The following CALCRL variants were observed in gnomAD, a reference collection of about 807,000 sequenced individuals.
CALCRL encodes the protein calcitonin gene-related peptide type 1 receptor.
Under a neutral mutation model 60.4 loss-of-function variants are expected in CALCRL, and 27 were observed. The observed-to-expected ratio is 0.45, with a 90% confidence interval of 0.33 to 0.62. The LOEUF (loss-of-function observed/expected upper bound fraction) is 0.62, where lower values mean the gene tolerates loss of function less well. Ranked by LOEUF, CALCRL falls within the 20% of genes least tolerant of loss-of-function variation. CALCRL has a pLI of 0.03. For synonymous variants in CALCRL, 190 were observed against 182.6 expected, an observed-to-expected ratio of 1.04 and a Z score of -0.33; for missense variants, 424 against 540.7, an observed-to-expected ratio of 0.78 and a Z score of 2.14.
At chr2:187,368,713 T>C (rs960415645) in intron 8 of CALCRL, among the ~76,000 whole-genome samples, 3 of 152,114 alleles carry the variant, frequency 2.0e-5, no homozygotes, top group East Asian at 1.9e-4. Flanking sequence ...GTACAAGCAA[T>C]ATAAGAATAG....
At chr2:187,363,353 G>A (rs1687142050) in intron 9 of CALCRL, 23 bp downstream of exon 9, 1 of 1,598,668 alleles carries the variant, frequency 6.3e-7, no homozygotes, top group Non-Finnish European at 8.5e-7. Context: ...CTTGAACCAA[G>A]GGCACAATCT....
intron 4 of CALCRL, among the ~76,000 whole-genome samples, chr2:187,383,820 G>C (rs536532209): frequency 4.1e-4 from 63 of 152,132 alleles, no homozygotes; most frequent in African/African-American, 1.4e-3. Context: ...TCAAAATAAT[G>C]GCAACATCAT....
chr2:187,393,025 T>G (rs1688513745), intron 1 of CALCRL, among the ~76,000 whole-genome samples: 1 of 152,170 alleles, frequency 6.6e-6, no homozygotes, highest in African/African-American at 2.4e-5. Flanking sequence ...GATATAAGAT[T>G]ATAACTCAAG....
At chr2:187,442,095 T>TACATACACACAC (rs1690937981) in intron 1 of CALCRL, 1 of 103,620 alleles carries the variant, frequency 9.7e-6, no homozygotes, top group Non-Finnish European at 2.0e-5. Flanking sequence ...TATATATATA[T>TACATACACACAC]ATATATATAT....
chr2:187,364,568 T>C (rs1199215171), intron 8 of CALCRL, among the ~76,000 whole-genome samples: 1 of 152,130 alleles, frequency 6.6e-6, no homozygotes, highest in Non-Finnish European at 1.5e-5. Context: ...TAAGGAGATC[T>C]TTACCTAATT....
chr2:187,365,605 G>A (rs943501745), intron 8 of CALCRL, among the ~76,000 whole-genome samples: 18 of 152,052 alleles, frequency 1.2e-4, no homozygotes, highest in African/African-American at 4.1e-4. Flanking sequence ...AAACTATGAC[G>A]AAAAGATTGA....
chr2:187,436,092 T>C (rs962548858), intron 1 of CALCRL, among the ~76,000 whole-genome samples: 4 of 152,192 alleles, frequency 2.6e-5, no homozygotes, highest in African/African-American at 9.6e-5. Flanking sequence ...GTTCAATATA[T>C]ATTTATAGTT....
At chr2:187,386,564 T>G (rs1688212231) in intron 3 of CALCRL, among the ~76,000 whole-genome samples, 2 of 152,150 alleles carry the variant, frequency 1.3e-5, no homozygotes, top group Admixed American at 6.6e-5. Flanking sequence ...TCTGAGCTAA[T>G]GAAAAATGGC....
At chr2:187,401,422 ATT>A (rs1688883177) in intron 1 of CALCRL, among the ~76,000 whole-genome samples, 1 of 151,674 alleles carries the variant, frequency 6.6e-6, no homozygotes, top group African/African-American at 2.4e-5. Flanking sequence ...AATTAATTCT[ATT>A]TTATATATAT....
intron 4 of CALCRL, among the ~76,000 whole-genome samples, chr2:187,385,189 AT>A (rs1688155557): frequency 6.6e-6 from 1 of 152,196 alleles, no homozygotes; most frequent in African/African-American, 2.4e-5. Context: ...TGAGAGAATC[AT>A]TTTTTAACAG....
intron 8 of CALCRL, among the ~76,000 whole-genome samples, chr2:187,368,684 T>C (rs918044304): frequency 6.6e-6 from 1 of 152,070 alleles, no homozygotes; most frequent in African/African-American, 2.4e-5. Flanking sequence ...ATGAGCAAAA[T>C]GAATCATGAA....
intron 1 of CALCRL, among the ~76,000 whole-genome samples, chr2:187,408,186 A>C (rs1689213665): frequency 6.6e-6 from 1 of 152,100 alleles, no homozygotes; most frequent in Non-Finnish European, 1.5e-5. Flanking sequence ...AGTTAAAAAA[A>C]TAGAAAACCT....
intron 1 of CALCRL, among the ~76,000 whole-genome samples, chr2:187,433,619 C>T (rs1690496268): frequency 6.6e-6 from 1 of 151,956 alleles, no homozygotes; most frequent in South Asian, 2.1e-4. Context: ...AGTAGCAAAA[C>T]TGGCTGAAAT....
intron 1 of CALCRL, among the ~76,000 whole-genome samples, chr2:187,394,066 TAAAAG>T (rs753339598): frequency 2.6e-5 from 4 of 151,944 alleles, no homozygotes; most frequent in African/African-American, 4.8e-5. Context: ...ATTGAGCTCT[TAAAAG>T]AAGAAAAGAA....
chr2:187,397,570 T>C (rs1200247172), intron 1 of CALCRL, among the ~76,000 whole-genome samples: 1 of 151,728 alleles, frequency 6.6e-6, no homozygotes, highest in Non-Finnish European at 1.5e-5. Context: ...ATTTAAGGGT[T>C]ATAAGTGCAC....
intron 1 of CALCRL, among the ~76,000 whole-genome samples, chr2:187,426,817 G>T (rs1315338904): frequency 6.6e-6 from 1 of 152,002 alleles, no homozygotes; most frequent in Admixed American, 6.6e-5. Context: ...GTTGAATCAG[G>T]CAGGCTGGTT....
At chr2:187,368,035 C>G (rs1687371054) in intron 8 of CALCRL, among the ~76,000 whole-genome samples, 1 of 151,972 alleles carries the variant, frequency 6.6e-6, no homozygotes, top group Admixed American at 6.6e-5. Flanking sequence ...GTAGTTCAGA[C>G]AGTGAATCTG....
chr2:187,363,784 C>T (rs1231962304), intron 8 of CALCRL, among the ~76,000 whole-genome samples: 3 of 152,146 alleles, frequency 2.0e-5, no homozygotes, highest in African/African-American at 7.2e-5. Context: ...AATTTCTGAA[C>T]ATAATTAATA....
chr2:187,434,134 A>G (rs1338283251), intron 1 of CALCRL, among the ~76,000 whole-genome samples: 3 of 152,148 alleles, frequency 2.0e-5, no homozygotes, highest in African/African-American at 7.2e-5. Context: ...ATAGAAAGTT[A>G]GAGCTAAGAT....
Sources: allele counts gnomAD v4.1 joint callset (sites outside exome capture counted in the v4.1 genomes callset), GRCh38; gene constraint gnomAD v4.1.1; transcripts MANE v1.5; gene names NCBI Gene and HGNC (gene_info 2026-07-23, HGNC 2026-07-21).